SARM1: variants seen among roughly 807,000 people sequenced by gnomAD.
SARM1 encodes sterile alpha and TIR motif containing 1.
A neutral mutation model predicts 65.1 loss-of-function variants in SARM1; 60 were observed. The ratio of observed to expected loss-of-function variants is 0.92; its 90% CI spans 0.75 to 1.14. The LOEUF is 1.14. Among genes scored for constraint, SARM1 ranks in the 50% most tolerant of loss-of-function variants. The pLI, the probability that SARM1 is intolerant of heterozygous loss-of-function variation, is 0.00. For missense variants in SARM1, 913 were observed against 1,015.7 expected (o/e 0.90, Z 1.37); for synonymous variants, 417 against 465.4 (o/e 0.90, Z 1.34).
At chr17:28,379,268 T>C (rs1048673941) in intron 1 of SARM1, among the ~76,000 whole-genome samples, 11 of 145,684 alleles carry the variant, frequency 7.6e-5, no homozygotes, top group African/African-American at 2.5e-4. Context: ...GTGAAGAAAC[T>C]CTAGGAAAGG....
rs989374101 is a variant in SARM1, at chr17:28,387,098, G to T, written c.1631-1076G>T. Reference sequence around the variant, plus strand: ...GGGCAAAAATAGCTTACAAAAAATAGTTTGTATAGTGAGTAGGGAGCCATG... The same window carrying T: ...GGGCAAAAATAGCTTACAAAAAATATTTTGTATAGTGAGTAGGGAGCCATG... On this transcript the variant is annotated intron_variant, in intron 5 of 8. Coordinates refer to ENST00000585482, the MANE Select transcript of SARM1 (RefSeq NM_015077.4). Among the ~76,000 whole-genome samples, 4 of 152,206 alleles carry T rather than the reference G, an allele frequency of 2.6e-5. No individual in the cohort carries two copies. The South Asian group carries it at 8.3e-4, about 31-fold the overall frequency.
chr17:28,376,602 T>C (rs1555584654), intron 1 of SARM1, among the ~76,000 whole-genome samples: 1 of 151,726 alleles, frequency 6.6e-6, no homozygotes, highest in Non-Finnish European at 1.5e-5. Context: ...AGTAAGGGTG[T>C]TGGATTAGAT....
Position 28,400,471 on chromosome 17 carries a change from G to T in SARM1, c.*4185G>T. ...TGGAGGATTAGGCAGCCATCTGCAA[G>T]GAGAGGGGCAACCTGGGACAAGACA... On this transcript the variant is annotated 3_prime_UTR_variant, in exon 9 of 9. Coordinates refer to ENST00000585482, the MANE Select transcript of SARM1 (RefSeq NM_015077.4). 8.5e-7 allele frequency: 1 copy of T among 1,180,662 alleles called. No homozygotes were observed. Among genetic ancestry groups the T allele is most frequent in the Non-Finnish European group, 1.2e-6 (1 of 853,772 alleles). 73.1% of individuals were successfully genotyped at this position (1,180,662 alleles called of 1,614,324 possible).
intron 7 of SARM1, chr17:28,395,657 T>A: frequency 6.5e-6 from 3 of 459,544 alleles, no homozygotes; most frequent in Non-Finnish European, 1.2e-5. Context: ...CTCTTTAGCA[T>A]ACAAAGACAC....
chr17:28,399,586 C>T lies in SARM1; in HGVS notation c.*3300C>T. The T allele has an allele frequency of 6.5e-7, 1 of 1,539,282 alleles. No individual in the cohort carries two copies. The highest frequency in any genetic ancestry group is 9.0e-7 in the Non-Finnish European group (1 of 1,113,894). On this transcript the variant is annotated 3_prime_UTR_variant, in exon 9 of 9. Transcript: ENST00000585482. ...CTTGTCCTGCTGTGGGCTGGGCTTC[C>T]AGCTGCAGACCTCCAGTTGCTTGGT...
At chr17:28,379,942 A>G (rs935973605) in intron 1 of SARM1, among the ~76,000 whole-genome samples, 5 of 151,814 alleles carry the variant, frequency 3.3e-5, no homozygotes, top group African/African-American at 1.2e-4. Context: ...CCTCTTGTCA[A>G]TTGCCTGTTT....
At chr17:28,388,124 G>T (rs1555586299) in intron 5 of SARM1, 50 bp from the exon 6 acceptor site, 2 of 1,283,692 alleles carry the variant, frequency 1.6e-6, no homozygotes, top group African/African-American at 1.5e-5. Flanking sequence ...ACCTGACAGT[G>T]AGTGATGCGG....
Position 28,402,219 on chromosome 17 carries a change from G to C in SARM1, c.*5933G>C. 6.2e-7 allele frequency: 1 copy of C among 1,606,886 alleles called. No homozygotes were observed. The highest frequency in any genetic ancestry group is 8.5e-7 in the Non-Finnish European group (1 of 1,175,660). On this transcript the variant is annotated 3_prime_UTR_variant, in exon 9 of 9. Coordinates refer to ENST00000585482, the MANE Select transcript of SARM1 (RefSeq NM_015077.4). ...CACTGGACATGAGGAACCAGACACAGGTGGGTTCTGACACTCACCCTGCTC... is the reference window on the plus strand; with the variant it reads ...CACTGGACATGAGGAACCAGACACACGTGGGTTCTGACACTCACCCTGCTC...
rs1457055528 is a variant in SARM1, at chr17:28,400,163, G to A, written c.*3877G>A. On this transcript the variant is annotated 3_prime_UTR_variant, in exon 9 of 9. Transcript: ENST00000585482. ...TCCTGCCTCAGCCTCCCACAGGATC[G>A]GGATTACAGGCAAGAGCCTCCACGC... 2.1e-5 allele frequency: 5 copies of A among 238,920 alleles called. No individual in the cohort carries two copies. The highest frequency in any genetic ancestry group is 6.1e-5 in the South Asian group (1 of 16,344). The allele number at this position is 238,920 out of a possible 1,614,324, so 14.8% of individuals were successfully genotyped here. A position where few individuals can be genotyped will look rare whatever the true frequency, so the allele number is the denominator to read the frequency against.
chr17:28,381,435 C>T lies in SARM1; in HGVS notation c.703C>T (p.Leu235=). The T allele has an allele frequency of 6.5e-7, 1 of 1,545,062 alleles. No individual in the cohort carries two copies. The highest frequency in any genetic ancestry group is 8.7e-7 in the Non-Finnish European group (1 of 1,145,012). Residue 235 remains leucine (L), a synonymous_variant, in exon 2 of 9, where the codon CTG becomes TTG. Coordinates refer to ENST00000585482, the MANE Select transcript of SARM1 (RefSeq NM_015077.4). ...CGCGCTGGCGCTGGGCAACTGCGCG[C>T]TGCACGGGGGCCAGGCGGTGCAGCG... ...HCALALGNCA[L]HGGQAVQRRM... is the part of the protein sequence containing the mutation.
rs1184775583 is a variant in SARM1, at chr17:28,385,465, AGGTGGGTAGGC to A, written c.1630+197_1630+207del. 1.7e-6 allele frequency: 1 copy of A among 584,850 alleles called. No homozygotes were observed. The highest frequency in any genetic ancestry group is 3.0e-6 in the Non-Finnish European group (1 of 337,056). 36.2% of individuals were successfully genotyped at this position (584,850 alleles called of 1,614,324 possible). On this transcript the variant is annotated intron_variant, in intron 5 of 8. Transcript: ENST00000585482. The surrounding 1 kb of genome is among the most constrained non-coding windows in gnomAD (Gnocchi z 4.5). ...TTTACCTCAAGAAGTTCCCAGTCTG[AGGTGGGTAGGC>A]GGTGGGAGGAAGGAGGCTATTAAAC...
Position 28,400,185 on chromosome 17 carries a change from A to G in SARM1, c.*3899A>G, listed in dbSNP as rs2068178622. ...ATCGGGATTACAGGCAAGAGCCTCC[A>G]CGCCCGGCCATGAAATATAATTCTT... On this transcript the variant is annotated 3_prime_UTR_variant, in exon 9 of 9. Transcript: ENST00000585482. 4.1e-6 allele frequency: 1 copy of G among 242,242 alleles called. No individual in the cohort carries two copies. Among genetic ancestry groups the G allele is most frequent in the Admixed American group, 5.1e-5 (1 of 19,578 alleles). The allele number at this position is 242,242 out of a possible 1,614,324, so 15.0% of individuals were successfully genotyped here.
chr17:28,374,970 C>CAAAAAAA (rs35032822), intron 1 of SARM1, among the ~76,000 whole-genome samples: 2 of 70,442 alleles, frequency 2.8e-5, no homozygotes, highest in African/African-American at 1.0e-4. Flanking sequence ...CAGACCTTGT[C>CAAAAAAA]AAAAAAAAAA....
Position 28,388,504 on chromosome 17 carries a change from A to C in SARM1, c.1888A>C (p.Met630Leu). The change falls in exon 7 of 9, where the codon ATG becomes CTG. Residue 630 changes from methionine to leucine, a missense_variant. Met to Leu is a conservative substitution (Grantham distance 15, BLOSUM62 2). Coordinates refer to ENST00000585482, the MANE Select transcript of SARM1 (RefSeq NM_015077.4). Reference sequence around the variant, plus strand: ...ATCACCTGGAGCACTGGACAAGTGCATGCAAGACCATGACTGCAAGGATTG... The same window carrying C: ...ATCACCTGGAGCACTGGACAAGTGCCTGCAAGACCATGACTGCAAGGATTG... ...VLSPGALDKC[M>L]QDHDCKDWVH... 1.2e-6 allele frequency: 2 copies of C among 1,613,848 alleles called. No individual in the cohort carries two copies. The highest frequency in any genetic ancestry group is 1.7e-6 in the Non-Finnish European group (2 of 1,179,890).
At chr17:28,390,540 A>T (rs184844592) in intron 7 of SARM1, among the ~76,000 whole-genome samples, 35 of 152,192 alleles carry the variant, frequency 2.3e-4, no homozygotes, top group African/African-American at 7.9e-4. Context: ...TTCCTCCCTT[A>T]TTATGTGATG....
rs1169959929 is a variant in SARM1 at position 28,372,855 on chromosome 17, C to T, written c.470+353C>T. On this transcript the variant is annotated intron_variant, in intron 1 of 8. Transcript: ENST00000585482. This position sits in a 1 kb window ranked among gnomAD's most constrained non-coding sequence, Gnocchi z 5.2. The stretch of plus-strand genomic sequence containing the variant: ...CCAAGCCCACAGCTCTCCTTCCCAC[C>T]GGCTTGGGTTCCCGTCTATGACACC... Among the ~76,000 whole-genome samples the T allele has an allele frequency of 2.6e-5, 4 of 152,180 alleles. No homozygotes were observed. Among genetic ancestry groups the T allele is most frequent in the Non-Finnish European group, 4.4e-5 (3 of 68,038 alleles).
Position 28,399,982 on chromosome 17 carries a change from C to T in SARM1, c.*3696C>T. The T allele has an allele frequency of 2.3e-6, 1 of 444,264 alleles. No individual in the cohort carries two copies. Among genetic ancestry groups the T allele is most frequent in the Non-Finnish European group, 4.1e-6 (1 of 241,274 alleles). 27.5% of individuals were successfully genotyped at this position (444,264 alleles called of 1,614,324 possible). The stretch of plus-strand genomic sequence containing the variant: ...AATCATAGCTCACTGTACCCTTGAA[C>T]TCCTGGGCTCAAGTGATCCTCCTGC... On this transcript the variant is annotated 3_prime_UTR_variant, in exon 9 of 9. Transcript: ENST00000585482.
In SARM1 at chr17:28,399,731, G is replaced by C. The variant is rs782810421; in HGVS notation, c.*3445G>C. 5.8e-5 allele frequency: 94 copies of C among 1,613,800 alleles called. No homozygotes were observed. The Middle Eastern group carries it at 6.6e-4, about 11-fold the overall frequency. ...CCAGCATCCTGTGAGAGACCAGAGA[G>C]AGAGTTTGGATTTCATGTGGGGAAC... On this transcript the variant is annotated 3_prime_UTR_variant, in exon 9 of 9. Coordinates refer to ENST00000585482, the MANE Select transcript of SARM1 (RefSeq NM_015077.4).
chr17:28,401,227 G>A lies in SARM1; in HGVS notation c.*4941G>A, dbSNP rs2068194035. On this transcript the variant is annotated 3_prime_UTR_variant, in exon 9 of 9. Coordinates refer to ENST00000585482, the MANE Select transcript of SARM1 (RefSeq NM_015077.4). ...CCTGTTCCTCCTTCTGCTAAATAAG[G>A]ATAATACCTATTTCCTAGATTGTGA... 1 of 191,512 alleles carries A rather than the reference G, an allele frequency of 5.2e-6. No individual in the cohort carries two copies. 11.9% of individuals were successfully genotyped at this position (191,512 alleles called of 1,614,324 possible).
Sources: gnomAD v4.1 joint callset for allele counts (sites outside exome capture counted in the v4.1 genomes callset) on GRCh38, gnomAD v4.1.1 for gene constraint, Gnocchi (gnomAD v3.1) non-coding constraint, MANE v1.5 for transcripts, NCBI Gene and HGNC (gene_info 2026-07-23, HGNC 2026-07-21) for gene names.